The following MINDY3 variants were observed in gnomAD, a reference collection of about 807,000 sequenced individuals.
The protein encoded by MINDY3 is MINDY lysine 48 deubiquitinase 3, also known as ubiquitin carboxyl-terminal hydrolase MINDY-3.
Under a neutral mutation model 69.2 loss-of-function variants are expected in MINDY3, and 38 were observed. That is an observed-to-expected ratio of 0.55 (90% CI 0.42 to 0.72). The LOEUF is 0.72. Ranked by LOEUF, MINDY3 falls within the 30% of genes least tolerant of loss-of-function variation. The pLI, the probability that MINDY3 is intolerant of heterozygous loss-of-function variation, is 0.00. For synonymous variants in MINDY3, 192 were observed against 180.1 expected (o/e 1.07, Z -0.53); for missense variants, 522 against 519.0 (o/e 1.01, Z -0.06).
At chr10:15,798,761 C>G (rs1467961564) in intron 10 of MINDY3, among the ~76,000 whole-genome samples, 1 of 148,394 alleles carries the variant, frequency 6.7e-6, no homozygotes, top group East Asian at 1.9e-4. Flanking sequence ...GCCTGGGCAA[C>G]AGGGCAAGAC....
intron 10 of MINDY3, among the ~76,000 whole-genome samples, chr10:15,801,683 A>G (rs1451031114): frequency 6.6e-6 from 1 of 152,136 alleles, no homozygotes; most frequent in Non-Finnish European, 1.5e-5. Flanking sequence ...GAGAACCGCA[A>G]CAGCAAGAAC....
chr10:15,845,716 A>T (rs1318789185), intron 2 of MINDY3, among the ~76,000 whole-genome samples: 1 of 149,494 alleles, frequency 6.7e-6, no homozygotes, highest in Non-Finnish European at 1.5e-5. Flanking sequence ...TCTGTTGCCC[A>T]GCCTGGTTTT....
rs1836760547 is a variant in MINDY3, at chr10:15,784,043, G to GT, written c.1117-1818dup. ...GTATGACCTTAAACAATTGTCTTAA[G>GT]TTCTCTAATCTTCAATTTCCTCATT... On this transcript the variant is annotated intron_variant, in intron 13 of 14. Coordinates refer to ENST00000277632, the MANE Select transcript of MINDY3 (RefSeq NM_024948.4). Among the ~76,000 whole-genome samples the GT allele has an allele frequency of 2.6e-5, 4 of 152,194 alleles. No individual in the cohort carries two copies. In the South Asian group the frequency reaches 6.2e-4, roughly 24 times the overall value.
chr10:15,848,315 TTC>T (rs1421722030), intron 1 of MINDY3, among the ~76,000 whole-genome samples: 2 of 152,138 alleles, frequency 1.3e-5, no homozygotes, highest in East Asian at 1.9e-4. Context: ...ATTTCAAACT[TTC>T]TGTCACATTC....
At chr10:15,783,529 C>G (rs1836714593) in intron 13 of MINDY3, among the ~76,000 whole-genome samples, 1 of 152,042 alleles carries the variant, frequency 6.6e-6, no homozygotes, top group South Asian at 2.1e-4. Context: ...CTTACTTTTT[C>G]TGTAAAGTTT....
chr10:15,827,175 G>GT lies in MINDY3; in HGVS notation c.731-5450dup, dbSNP rs1564502044. 2.5e-4 allele frequency among the ~76,000 whole-genome samples: 6 copies of GT among 23,688 alleles called. No homozygotes were observed. The East Asian group carries it at 4.4e-3, about 18-fold the overall frequency. 15.5% of individuals were successfully genotyped at this position (23,688 alleles called of 152,430 possible). A position where few individuals can be genotyped will look rare whatever the true frequency, so the allele number is the denominator to read the frequency against. On this transcript the variant is annotated intron_variant, in intron 8 of 14. Coordinates refer to ENST00000277632, the MANE Select transcript of MINDY3 (RefSeq NM_024948.4). ...GACACATAAAATTGATATAACAGGA[G>GT]TAAAAAAAAAAAAAAAAAAAAAAGC... is the stretch of plus-strand genomic sequence containing the variant.
chr10:15,819,340 G>A (rs778298784), intron 9 of MINDY3, among the ~76,000 whole-genome samples: 11 of 152,294 alleles, frequency 7.2e-5, no homozygotes, highest in East Asian at 1.9e-4. Context: ...ACACTGTAGC[G>A]TAATATAGTT....
rs561241161 is a variant in MINDY3 at position 15,809,569 on chromosome 10, T to A, written c.882+7266A>T. On this transcript the variant is annotated intron_variant, in intron 10 of 14. Transcript: ENST00000277632. ...GACCTGCTTGGAAAGTTCTCCATCGTACTTAATAGGAATTAAGTTTCCCTC... is the reference window on the plus strand; with the variant it reads ...GACCTGCTTGGAAAGTTCTCCATCGAACTTAATAGGAATTAAGTTTCCCTC... 1.6e-3 allele frequency among the ~76,000 whole-genome samples: 239 copies of A among 152,260 alleles called. 1 individual carries two copies. Among genetic ancestry groups the A allele is most frequent in the Non-Finnish European group, 2.7e-3 (184 of 68,014 alleles).
chr10:15,858,737 G>C (rs1834869588), intron 1 of MINDY3, among the ~76,000 whole-genome samples: 1 of 151,986 alleles, frequency 6.6e-6, no homozygotes, highest in African/African-American at 2.4e-5. Context: ...ATATAAACAG[G>C]GCTGAATATT....
chr10:15,796,049 T>C (rs901615532), intron 11 of MINDY3, 51 bp downstream of exon 11: 3 of 1,338,244 alleles, frequency 2.2e-6, no homozygotes, highest in Non-Finnish European at 3.2e-6. Context: ...TATCAATGTA[T>C]TTCAAACATA....
intron 13 of MINDY3, among the ~76,000 whole-genome samples, chr10:15,785,872 C>A (rs1043393075): frequency 1.3e-5 from 2 of 152,072 alleles, no homozygotes; most frequent in Non-Finnish European, 2.9e-5. Context: ...ATGTCTATTG[C>A]AACAATGAAC....
intron 2 of MINDY3, among the ~76,000 whole-genome samples, chr10:15,847,072 T>C (rs754788047): frequency 6.6e-6 from 1 of 152,144 alleles, no homozygotes. Context: ...ATTAAATATA[T>C]ATATTTTCAA....
intron 8 of MINDY3, among the ~76,000 whole-genome samples, chr10:15,826,509 T>C (rs567979890): frequency 5.3e-5 from 8 of 152,308 alleles, no homozygotes; most frequent in African/African-American, 1.9e-4. Flanking sequence ...TTCCTCAAAA[T>C]AACCTACAAA....
At chr10:15,847,965 A>G in intron 1 of MINDY3, 22 bp from the exon 2 acceptor site, 2 of 1,578,104 alleles carry the variant, frequency 1.3e-6, no homozygotes, top group Non-Finnish European at 1.7e-6. Context: ...AGCAAGTAGG[A>G]AAGATTAAAA....
chr10:15,843,553 C>T (rs755452559), intron 2 of MINDY3, among the ~76,000 whole-genome samples: 2 of 152,030 alleles, frequency 1.3e-5, no homozygotes, highest in Admixed American at 1.3e-4. Flanking sequence ...AACAGAATAA[C>T]TGAAAAGCAC....
In MINDY3 at chr10:15,778,893, C is replaced by A. The variant is rs1836297419; in HGVS notation, c.*99G>T. On this transcript the variant is annotated 3_prime_UTR_variant, in exon 15 of 15. Coordinates refer to ENST00000277632, the MANE Select transcript of MINDY3 (RefSeq NM_024948.4). The stretch of plus-strand genomic sequence containing the variant: ...TTTTTAATTGTTATTTACAGTTAAT[C>A]AGTGATACCAGTGTTTAGCTTAATC... 5 of 893,238 alleles carry A rather than the reference C, an allele frequency of 5.6e-6. No individual in the cohort carries two copies. In the Admixed American group the frequency reaches 1.4e-4, roughly 24 times the overall value. 55.3% of individuals were successfully genotyped at this position (893,238 alleles called of 1,614,324 possible).
At chr10:15,830,231 T>C (rs1235889247) in intron 8 of MINDY3, among the ~76,000 whole-genome samples, 1 of 152,232 alleles carries the variant, frequency 6.6e-6, no homozygotes, top group African/African-American at 2.4e-5. Flanking sequence ...AATTGTGATG[T>C]GCAGACAAGT....
chr10:15,837,393 T>TTA, intron 5 of MINDY3, 75 bp from the exon 6 acceptor site: 1 of 1,283,378 alleles, frequency 7.8e-7, no homozygotes. Context: ...AATTTTTAAA[T>TTA]TTTCTTATAC....
chr10:15,820,324 T>G (rs1839671124), intron 9 of MINDY3, among the ~76,000 whole-genome samples: 1 of 151,892 alleles, frequency 6.6e-6, no homozygotes, highest in Non-Finnish European at 1.5e-5. Flanking sequence ...AGCACAGCAG[T>G]AGAGAAAGCA....
Sources: gnomAD v4.1 joint callset for allele counts (sites outside exome capture counted in the v4.1 genomes callset) on GRCh38, gnomAD v4.1.1 for gene constraint, MANE v1.5 for transcripts, NCBI Gene and HGNC (gene_info 2026-07-23, HGNC 2026-07-21) for gene names.